The following LDLRAD3 variants were observed in gnomAD, a reference collection of about 807,000 sequenced individuals.
The protein encoded by LDLRAD3 is low-density lipoprotein receptor class A domain-containing protein 3.
A neutral mutation model predicts 29.4 loss-of-function variants in LDLRAD3; 20 were observed. The observed-to-expected ratio is 0.68, with a 90% CI of 0.48 to 0.99. LDLRAD3 has a LOEUF of 0.99. Ranked by LOEUF, LDLRAD3 falls within the 50% of genes least tolerant of loss-of-function variation. LDLRAD3 has a pLI of 0.00. For missense variants in LDLRAD3, 420 were observed against 454.3 expected (o/e 0.92, Z 0.69); for synonymous variants, 157 against 192.7 (o/e 0.81, Z 1.53).
intron 1 of LDLRAD3, among the ~76,000 whole-genome samples, chr11:36,027,739 C>T (rs575658913): frequency 6.6e-6 from 1 of 152,222 alleles, no homozygotes; most frequent in East Asian, 1.9e-4. Flanking sequence ...TTCTTGGGCA[C>T]AAGGGGCTGG....
chr11:35,951,968 G>T (rs1851140957), intron 1 of LDLRAD3, among the ~76,000 whole-genome samples: 1 of 152,198 alleles, frequency 6.6e-6, no homozygotes, highest in African/African-American at 2.4e-5. Context: ...AAATAAAAGT[G>T]TCTTCTTGGC....
chr11:36,144,103 A>AT (rs1040609599), intron 4 of LDLRAD3, among the ~76,000 whole-genome samples: 5 of 151,686 alleles, frequency 3.3e-5, no homozygotes, highest in African/African-American at 9.7e-5. Flanking sequence ...TGGTTTTCGT[A>AT]TTTTTTTGGT....
At chr11:36,187,162 T>C (rs1244137914) in intron 4 of LDLRAD3, among the ~76,000 whole-genome samples, 3 of 152,202 alleles carry the variant, frequency 2.0e-5, no homozygotes, top group Non-Finnish European at 4.4e-5. Context: ...GGGTTTTTTT[T>C]ACTCTTTTAA....
At chr11:35,952,414 G>A (rs1851147559) in intron 1 of LDLRAD3, among the ~76,000 whole-genome samples, 1 of 152,116 alleles carries the variant, frequency 6.6e-6, no homozygotes, top group South Asian at 2.1e-4. Context: ...CCATTGGAGT[G>A]GGGGGCATCT....
chr11:36,229,625 C>G lies in LDLRAD3; in HGVS notation c.*228C>G. 1 of 480,930 alleles carries G rather than the reference C, an allele frequency of 2.1e-6. No individual in the cohort carries two copies. The highest frequency in any genetic ancestry group is 3.7e-6 in the Non-Finnish European group (1 of 271,294). 29.8% of individuals were successfully genotyped at this position (480,930 alleles called of 1,614,324 possible). On this transcript the variant is annotated 3_prime_UTR_variant, in exon 6 of 6. Coordinates refer to ENST00000315571, the MANE Select transcript of LDLRAD3 (RefSeq NM_174902.4). ...CGTCTTTTCTGTCAGGTCACTCTTC[C>G]CTTGGGACCCGAGATCACACCCTCA...
chr11:36,188,965 CA>C (rs2133363896), intron 4 of LDLRAD3, among the ~76,000 whole-genome samples: 1 of 150,506 alleles, frequency 6.6e-6, no homozygotes, highest in Non-Finnish European at 1.5e-5. Context: ...AGCCCACAAC[CA>C]AGAGCTTTTT....
intron 4 of LDLRAD3, among the ~76,000 whole-genome samples, chr11:36,144,051 G>T (rs1396871245): frequency 1.3e-5 from 2 of 151,776 alleles, no homozygotes; most frequent in Non-Finnish European, 2.9e-5. Context: ...GCCTCAGCCT[G>T]CCAAGTGCCT....
rs929618917 is a variant in LDLRAD3 at position 35,958,372 on chromosome 11, G to T, written c.46+14228G>T. On this transcript the variant is annotated intron_variant, in intron 1 of 5. Coordinates refer to ENST00000315571, the MANE Select transcript of LDLRAD3 (RefSeq NM_174902.4). ...GAAAGAAAATTCTTACGAAACAGAT[G>T]ATTCAAATTTGTAGTGTGTATGTGT... is the stretch of plus-strand genomic sequence containing the variant. Among the ~76,000 whole-genome samples the T allele has an allele frequency of 3.3e-5, 5 of 152,148 alleles. No homozygotes were observed. The East Asian group carries it at 9.6e-4, about 29-fold the overall frequency.
intron 4 of LDLRAD3, among the ~76,000 whole-genome samples, chr11:36,215,039 G>A (rs1007054149): frequency 7.9e-5 from 12 of 152,202 alleles, no homozygotes; most frequent in Admixed American, 7.2e-4. Flanking sequence ...CGAGGTGGGT[G>A]GGGGGATGGA....
chr11:36,145,179 C>A (rs1190171444), intron 4 of LDLRAD3, among the ~76,000 whole-genome samples: 1 of 125,462 alleles, frequency 8.0e-6, no homozygotes, highest in Non-Finnish European at 1.7e-5. Context: ...CCCCGCCCGG[C>A]CAGCTGCCCC....
chr11:36,028,306 TG>T (rs1852192980), intron 1 of LDLRAD3, among the ~76,000 whole-genome samples: 1 of 152,206 alleles, frequency 6.6e-6, no homozygotes, highest in South Asian at 2.1e-4. Context: ...ACCTGGCACT[TG>T]CTAGTTGCTG....
intron 1 of LDLRAD3, among the ~76,000 whole-genome samples, chr11:36,003,575 C>A (rs936443025): frequency 6.6e-6 from 1 of 152,164 alleles, no homozygotes; most frequent in Non-Finnish European, 1.5e-5. Context: ...GACGGAGCAT[C>A]ATGTTAGTTC....
At chr11:36,062,398 C>T (rs75896871) in intron 2 of LDLRAD3, among the ~76,000 whole-genome samples, 14,289 of 152,168 alleles carry the variant, frequency 0.094, 874 homozygotes, top group Admixed American at 0.15. Context: ...ACCAGGGGTT[C>T]GGTCTAGGTC....
intron 4 of LDLRAD3, among the ~76,000 whole-genome samples, chr11:36,195,289 CTAGAAGCA>C (rs59485261): frequency 0.87 from 131,724 of 151,500 alleles, 57,368 homozygotes; most frequent in East Asian, 0.97. Context: ...GTGCATTTTT[CTAGAAGCA>C]TAGAAGCATC....
chr11:36,089,256 A>C (rs955450426), intron 3 of LDLRAD3, among the ~76,000 whole-genome samples: 1 of 152,314 alleles, frequency 6.6e-6, no homozygotes, highest in African/African-American at 2.4e-5. Flanking sequence ...ATCTCATTTT[A>C]GGTAGATAGT....
chr11:36,157,540 G>T lies in LDLRAD3; in HGVS notation c.454+59079G>T, dbSNP rs1236861379. ...CAGAGAACAGATGAACATTGGTTAG[G>T]CCAGGGAGTTATTTTCCAGCAAACT... On this transcript the variant is annotated intron_variant, in intron 4 of 5. Transcript: ENST00000315571. 2.0e-5 allele frequency among the ~76,000 whole-genome samples: 3 copies of T among 152,210 alleles called. No homozygotes were observed. In the East Asian group the frequency reaches 5.8e-4, roughly 29 times the overall value.
At chr11:36,174,022 A>G (rs1854636290) in intron 4 of LDLRAD3, among the ~76,000 whole-genome samples, 1 of 152,188 alleles carries the variant, frequency 6.6e-6, no homozygotes, top group Non-Finnish European at 1.5e-5. Flanking sequence ...AGAGATACAG[A>G]CCAATGGAAC....
intron 1 of LDLRAD3, among the ~76,000 whole-genome samples, chr11:36,016,847 C>A (rs1852029078): frequency 6.6e-6 from 1 of 152,216 alleles, no homozygotes; most frequent in African/African-American, 2.4e-5. Context: ...TCTTCCGTGT[C>A]AGTACGTTCT....
In LDLRAD3 at chr11:36,070,862, C is replaced by T. The variant is rs75853785; in HGVS notation, c.194-10791C>T. Among the ~76,000 whole-genome samples, 627 of 152,244 alleles carry T rather than the reference C, an allele frequency of 4.1e-3. 2 individuals are homozygous for T. Among genetic ancestry groups the T allele is most frequent in the Non-Finnish European group, 6.4e-3 (433 of 68,022 alleles). On this transcript the variant is annotated intron_variant, in intron 2 of 5. Transcript: ENST00000315571. Reference sequence around the variant, plus strand: ...AGTAGGACAGTCCTAAGAGCGAGAGCCTGCCCTTGCCCTTTGTCAAGGTCC... The same window carrying T: ...AGTAGGACAGTCCTAAGAGCGAGAGTCTGCCCTTGCCCTTTGTCAAGGTCC...
Sources: gnomAD v4.1 joint callset for allele counts (sites outside exome capture counted in the v4.1 genomes callset) on GRCh38, gnomAD v4.1.1 for gene constraint, MANE v1.5 for transcripts, NCBI Gene and HGNC (gene_info 2026-07-23, HGNC 2026-07-21) for gene names.